CPQ: variants seen among roughly 807,000 people sequenced by gnomAD.
The protein encoded by CPQ is Ser-Met dipeptidase.
CPQ carries 37 observed loss-of-function variants against 45.7 expected under a neutral mutation model. The observed-to-expected ratio is 0.81, with a 90% CI of 0.62 to 1.07. The LOEUF (loss-of-function observed/expected upper bound fraction) is 1.07. Ranked by LOEUF, CPQ falls within the 50% of genes least tolerant of loss-of-function variation. The pLI is 0.00. For synonymous variants in CPQ, 186 were observed against 205.8 expected (o/e 0.90, Z 0.82); for missense variants, 537 against 572.9 (o/e 0.94, Z 0.64).
chr8:96,872,943 T>A (rs2130875761), intron 3 of CPQ, among the ~76,000 whole-genome samples: 1 of 152,034 alleles, frequency 6.6e-6, no homozygotes, highest in Non-Finnish European at 1.5e-5. Context: ...TATATTTTTA[T>A]GTTTAAGAGA....
At chr8:97,062,573 G>A (rs552996990) in intron 6 of CPQ, among the ~76,000 whole-genome samples, 42 of 152,196 alleles carry the variant, frequency 2.8e-4, no homozygotes, top group African/African-American at 9.6e-4. Flanking sequence ...TTCTCTCCCA[G>A]GTGTTAAGCC....
intron 4 of CPQ, among the ~76,000 whole-genome samples, chr8:96,931,475 A>G (rs1389852151): frequency 6.6e-6 from 1 of 151,796 alleles, no homozygotes; most frequent in Non-Finnish European, 1.5e-5. Flanking sequence ...CTCCTGTTTC[A>G]TTTACTAACT....
intron 1 of CPQ, among the ~76,000 whole-genome samples, chr8:96,686,932 C>G (rs1809237241): frequency 2.0e-5 from 3 of 152,186 alleles, no homozygotes; most frequent in Middle Eastern, 3.4e-3. Context: ...TCTTAATTCT[C>G]AAATTTACTC....
intron 2 of CPQ, among the ~76,000 whole-genome samples, chr8:96,795,176 A>G (rs1396434148): frequency 4.6e-5 from 7 of 152,208 alleles, no homozygotes; most frequent in Non-Finnish European, 8.8e-5. Flanking sequence ...GGCAATTTAC[A>G]AAAGAAAGAG....
At chr8:96,921,103 A>G (rs1362021656) in intron 4 of CPQ, among the ~76,000 whole-genome samples, 1 of 152,182 alleles carries the variant, frequency 6.6e-6, no homozygotes, top group Non-Finnish European at 1.5e-5. Context: ...AGATGAAGCC[A>G]TTGAGGCTCT....
intron 1 of CPQ, among the ~76,000 whole-genome samples, chr8:96,675,900 ATAAG>A (rs1373983600): frequency 6.6e-6 from 1 of 152,050 alleles, no homozygotes; most frequent in Non-Finnish European, 1.5e-5. Flanking sequence ...CTTTTTTAAA[ATAAG>A]TGTTTTCTCA....
chr8:96,883,125 G>A (rs1256336859), intron 4 of CPQ, among the ~76,000 whole-genome samples: 1 of 152,042 alleles, frequency 6.6e-6, no homozygotes, highest in African/African-American at 2.4e-5. Flanking sequence ...TTATATCCCC[G>A]AGTAATATTT....
chr8:97,025,875 C>T (rs1426494349), intron 5 of CPQ, among the ~76,000 whole-genome samples: 2 of 152,090 alleles, frequency 1.3e-5, no homozygotes, highest in Non-Finnish European at 1.5e-5. Context: ...CTTCAGATTT[C>T]GGATATATTT....
At chr8:96,905,924 C>T (rs1812570258) in intron 4 of CPQ, among the ~76,000 whole-genome samples, 1 of 152,132 alleles carries the variant, frequency 6.6e-6, no homozygotes, top group Admixed American at 6.6e-5. Flanking sequence ...GTTGTGATTA[C>T]ATTAAATGTT....
At chr8:96,905,273 C>T (rs1050419183) in intron 4 of CPQ, among the ~76,000 whole-genome samples, 9 of 152,100 alleles carry the variant, frequency 5.9e-5, no homozygotes, top group Admixed American at 4.6e-4. Flanking sequence ...CCCCCATGAT[C>T]CAATCACCTC....
At chr8:96,699,074 A>G (rs1233288122) in intron 1 of CPQ, among the ~76,000 whole-genome samples, 1 of 152,196 alleles carries the variant, frequency 6.6e-6, no homozygotes, top group Admixed American at 6.5e-5. Flanking sequence ...AATATTTGGG[A>G]GCAAACTAAG....
chr8:96,886,578 G>C (rs1370724286), intron 4 of CPQ, among the ~76,000 whole-genome samples: 1 of 152,170 alleles, frequency 6.6e-6, no homozygotes, highest in East Asian at 1.9e-4. Context: ...TAGAGATTTA[G>C]TACAAACTCT....
At chr8:96,715,107 G>T (rs1417927404) in intron 1 of CPQ, among the ~76,000 whole-genome samples, 1 of 152,096 alleles carries the variant, frequency 6.6e-6, no homozygotes, top group African/African-American at 2.4e-5. Flanking sequence ...CTGGGTTGAA[G>T]AATTCAGGCT....
rs146087978 is a variant in CPQ at position 96,724,490 on chromosome 8, G to GACACACACAC, written c.-34-60347_-34-60338dup. Among the ~76,000 whole-genome samples the GACACACACAC allele has an allele frequency of 3.4e-3, 487 of 144,780 alleles. 4 individuals carry two copies. Among genetic ancestry groups the GACACACACAC allele is most frequent in the African/African-American group, 1.0e-2 (393 of 39,402 alleles). The allele number at this position is 144,780 out of a possible 152,430, so 95.0% of individuals were successfully genotyped here. On this transcript the variant is annotated intron_variant, in intron 1 of 7. Coordinates refer to ENST00000220763, the MANE Select transcript of CPQ (RefSeq NM_016134.4). ...CAAGAATGCAGTCCCATTTAGAGTA[G>GACACACACAC]ACACACACACACACACACACACACA...
chr8:96,904,465 G>A (rs1049345724), intron 4 of CPQ, among the ~76,000 whole-genome samples: 6 of 152,140 alleles, frequency 3.9e-5, no homozygotes, highest in African/African-American at 1.4e-4. Context: ...AGAGTCATGA[G>A]ATCTGGGATC....
intron 2 of CPQ, among the ~76,000 whole-genome samples, chr8:96,798,502 T>TTAAGTGATATGATGCAGTTCCA (rs1291858903): frequency 3.3e-5 from 5 of 152,094 alleles, no homozygotes; most frequent in Non-Finnish European, 7.4e-5. Flanking sequence ...AACATTCTCC[T>TTAAGTGATATGATGCAGTTCCA]TAAGTGATAT....
At chr8:96,857,055 G>A (rs1158299930) in intron 3 of CPQ, among the ~76,000 whole-genome samples, 5 of 152,128 alleles carry the variant, frequency 3.3e-5, no homozygotes, top group Non-Finnish European at 7.4e-5. Context: ...TGTGTAGGTT[G>A]ACAATGCCTA....
At chr8:97,107,879 T>C (rs764473736) in intron 7 of CPQ, among the ~76,000 whole-genome samples, 4 of 152,166 alleles carry the variant, frequency 2.6e-5, no homozygotes, top group African/African-American at 7.2e-5. Context: ...GCCAAAGCCA[T>C]TATCTGAGTA....
intron 5 of CPQ, among the ~76,000 whole-genome samples, chr8:97,019,002 A>G (rs1809628573): frequency 6.6e-6 from 1 of 152,174 alleles, no homozygotes; most frequent in South Asian, 2.1e-4. Context: ...GTAAACTATA[A>G]AGGAAAACCT....
Sources: gnomAD v4.1 joint callset for allele counts (sites outside exome capture counted in the v4.1 genomes callset) on GRCh38, gnomAD v4.1.1 for gene constraint, MANE v1.5 for transcripts, NCBI Gene and HGNC (gene_info 2026-07-23, HGNC 2026-07-21) for gene names.